Variants in COLEC10 observed in about 807,000 individuals in gnomAD.
The protein encoded by COLEC10 is collectin-10.
Under a neutral mutation model 28.4 loss-of-function variants are expected in COLEC10, and 22 were observed. The ratio of observed to expected loss-of-function variants is 0.78; its 90% confidence interval spans 0.55 to 1.11. The LOEUF (loss-of-function observed/expected upper bound fraction) is 1.11, where lower values mean the gene tolerates loss of function less well. Ranked by LOEUF, COLEC10 falls within the 50% of genes least tolerant of loss-of-function variation. COLEC10 has a pLI of 0.00. For missense variants in COLEC10, 361 were observed against 344.1 expected (o/e 1.05, Z -0.39); for synonymous variants, 125 against 116.1 (o/e 1.08, Z -0.49).
intron 2 of COLEC10, among the ~76,000 whole-genome samples, chr8:119,020,497 A>C (rs1484359165): frequency 6.6e-6 from 1 of 152,138 alleles, no homozygotes; most frequent in Non-Finnish European, 1.5e-5. Context: ...CACTTAGTAC[A>C]TAAGGTTGCT....
At chr8:119,048,771 G>A (rs1355567283) in intron 2 of COLEC10, among the ~76,000 whole-genome samples, 1 of 152,114 alleles carries the variant, frequency 6.6e-6, no homozygotes, top group East Asian at 1.9e-4. Flanking sequence ...GCAGAGGGTT[G>A]GGGCTTCTCT....
intron 2 of COLEC10, among the ~76,000 whole-genome samples, chr8:119,051,342 C>T (rs1287613962): frequency 6.6e-6 from 1 of 152,106 alleles, no homozygotes; most frequent in Non-Finnish European, 1.5e-5. Flanking sequence ...ATTCAAGTCC[C>T]TATGATTCCC....
chr8:119,056,795 G>A (rs1371120069), intron 2 of COLEC10, among the ~76,000 whole-genome samples: 2 of 151,722 alleles, frequency 1.3e-5, no homozygotes, highest in African/African-American at 2.4e-5. Context: ...CACGGGCCAC[G>A]ATTGCCCTTA....
chr8:118,957,658 A>T, the COLEC10 span, among the ~76,000 whole-genome samples: 4 of 152,200 alleles, frequency 2.6e-5, no homozygotes, highest in Non-Finnish European at 4.4e-5. Context: ...CATACATGCT[A>T]ACAGGTAATG....
chr8:119,102,399 C>G lies in COLEC10; in HGVS notation c.344C>G (p.Ala115Gly). The change falls in exon 4 of 6, where the codon GCA becomes GGA. Residue 115 changes from alanine (A) to glycine (G), a missense_variant and splice_region_variant. By Grantham distance (60) the Ala-to-Gly change is moderately conservative. Transcript: ENST00000332843. ...GGAATACCTGGAGAAAAAGGCAAAGCAGGTACGATATGTTCAATGTTCTCT... is the reference window on the plus strand; with the variant it reads ...GGAATACCTGGAGAAAAAGGCAAAGGAGGTACGATATGTTCAATGTTCTCT... Reference protein sequence around the residue: ...LLGIPGEKGKAGTVCDCGRYR... With the variant: ...LLGIPGEKGKGGTVCDCGRYR... The G allele has an allele frequency of 6.2e-7, 1 of 1,608,574 alleles. No individual in the cohort carries two copies. The highest frequency in any genetic ancestry group is 2.2e-5 in the East Asian group (1 of 44,670).
chr8:119,105,609 C>T (rs777929809), intron 5 of COLEC10, among the ~76,000 whole-genome samples, 191 bp from the exon 6 acceptor site: 3 of 151,964 alleles, frequency 2.0e-5, no homozygotes, highest in Non-Finnish European at 2.9e-5. Context: ...GGAGAACAAA[C>T]GGTAGATATG....
chr8:119,046,682 A>T (rs1407447727), intron 2 of COLEC10, among the ~76,000 whole-genome samples: 1 of 151,946 alleles, frequency 6.6e-6, no homozygotes, highest in Admixed American at 6.5e-5. Context: ...GAGCCATCAG[A>T]ATTCTTCCAA....
At chr8:119,071,523 C>G (rs545908235) in intron 1 of COLEC10, among the ~76,000 whole-genome samples, 2 of 152,306 alleles carry the variant, frequency 1.3e-5, no homozygotes, top group African/African-American at 4.8e-5. Flanking sequence ...AAGGATAGTT[C>G]CTTCTCCTCA....
chr8:119,069,630 ATATATATATATAT>A (rs372004254), intron 1 of COLEC10, among the ~76,000 whole-genome samples: 53 of 28,884 alleles, frequency 1.8e-3, no homozygotes, highest in African/African-American at 4.2e-3. Flanking sequence ...AAAAAAAAAA[ATATATATATATAT>A]ATATATATAT....
Position 119,086,962 on chromosome 8 carries a change from T to C in COLEC10, c.149-2718T>C, listed in dbSNP as rs190598117. Among the ~76,000 whole-genome samples the C allele has an allele frequency of 6.7e-4, 102 of 152,286 alleles. 1 individual carries two copies. Among genetic ancestry groups the C allele is most frequent in the Admixed American group, 4.8e-3 (74 of 15,300 alleles). ...GTTTGAATCCTGGCTTTACCACTTA[T>C]GAGTTATGTGACCTTGGATGTTACT... On this transcript the variant is annotated intron_variant, in intron 1 of 5. Coordinates refer to ENST00000332843, the MANE Select transcript of COLEC10 (RefSeq NM_006438.5).
rs373163010 is a variant in COLEC10, at chr8:119,049,907, G to GA, written n.236-39771dup. On this transcript the variant is annotated intron_variant and non_coding_transcript_variant, in intron 2 of 6. Coordinates refer to the COLEC10 transcript ENST00000521788. ...AATTCAATTTTCCCTATTTTGGGGG[G>GA]AATACAGTATTGCTATGGCTGAACA... 2.6e-3 allele frequency among the ~76,000 whole-genome samples: 391 copies of GA among 152,286 alleles called. 2 individuals are homozygous for GA. The highest frequency in any genetic ancestry group is 9.1e-3 in the African/African-American group (378 of 41,572).
At chr8:119,044,430 C>T (rs1304507542) in intron 2 of COLEC10, among the ~76,000 whole-genome samples, 1 of 152,114 alleles carries the variant, frequency 6.6e-6, no homozygotes, top group Non-Finnish European at 1.5e-5. Flanking sequence ...AGACTGAAGA[C>T]ACAAGTGTAG....
intron 3 of COLEC10, 59 bp downstream of exon 3, chr8:119,091,279 A>T (rs4512407): frequency 0.044 from 56,478 of 1,276,582 alleles, 3,536 homozygotes; most frequent in African/African-American, 0.29. Flanking sequence ...GCCGGGTACG[A>T]TGGCTCACAC....
chr8:118,955,058 T>C, the COLEC10 span, among the ~76,000 whole-genome samples: 1 of 152,200 alleles, frequency 6.6e-6, no homozygotes, highest in Non-Finnish European at 1.5e-5. Context: ...GGATATTAAC[T>C]TGAAGAACAA....
At chr8:119,089,349 TTG>T (rs1005922443) in intron 1 of COLEC10, among the ~76,000 whole-genome samples, 4 of 151,946 alleles carry the variant, frequency 2.6e-5, no homozygotes, top group Admixed American at 6.6e-5. Flanking sequence ...GCGTGTGTGT[TTG>T]TGTAAATTTT....
At chr8:119,040,003 C>T (rs1814464479) in intron 2 of COLEC10, among the ~76,000 whole-genome samples, 1 of 152,114 alleles carries the variant, frequency 6.6e-6, no homozygotes, top group Non-Finnish European at 1.5e-5. Flanking sequence ...AGGGCATGGG[C>T]ATCTTTGGGG....
chr8:118,958,545 G>C, the COLEC10 span, among the ~76,000 whole-genome samples: 1 of 152,152 alleles, frequency 6.6e-6, no homozygotes, highest in Non-Finnish European at 1.5e-5. Context: ...CCTCACGGCT[G>C]AAGCTTTCAA....
At chr8:118,999,596 A>T (rs995409071) in intron 1 of COLEC10, among the ~76,000 whole-genome samples, 2 of 151,380 alleles carry the variant, frequency 1.3e-5, no homozygotes, top group Non-Finnish European at 2.9e-5. Flanking sequence ...ATCTCAATAA[A>T]AAAAAAAAAA....
At chr8:119,081,864 AT>A (rs1318816666) in intron 1 of COLEC10, among the ~76,000 whole-genome samples, 1 of 152,240 alleles carries the variant, frequency 6.6e-6, no homozygotes. Context: ...TTTAATAAAG[AT>A]TAATTTGCAA....
Sources: allele counts gnomAD v4.1 joint callset (sites outside exome capture counted in the v4.1 genomes callset), GRCh38; gene constraint gnomAD v4.1.1; transcripts MANE v1.5; gene names NCBI Gene and HGNC (gene_info 2026-07-23, HGNC 2026-07-21).